The following C8orf34 variants were observed in gnomAD, a reference collection of about 807,000 sequenced individuals.
C8orf34 encodes the protein uncharacterized protein C8orf34.
In C8orf34, 65 loss-of-function variants were observed where a neutral mutation model predicts 68.3. That is an observed-to-expected ratio of 0.95 (90% CI 0.78 to 1.17). C8orf34 has a LOEUF of 1.17. Ranked by LOEUF, C8orf34 falls within the 50% of genes most tolerant of loss-of-function variation. The pLI is 0.00. For missense variants in C8orf34, 664 were observed against 655.4 expected (o/e 1.01, Z -0.14); for synonymous variants, 244 against 241.2 (o/e 1.01, Z -0.11).
intron 3 of C8orf34, among the ~76,000 whole-genome samples, chr8:68,463,646 T>G (rs1024411438): frequency 6.6e-6 from 1 of 152,066 alleles, no homozygotes; most frequent in South Asian, 2.1e-4. Flanking sequence ...TATACACAAA[T>G]CAATAAATGT....
intron 12 of C8orf34, among the ~76,000 whole-genome samples, chr8:68,805,246 A>G (rs1265416027): frequency 2.6e-5 from 4 of 152,222 alleles, no homozygotes; most frequent in Non-Finnish European, 5.9e-5. Flanking sequence ...GATCCAGTAA[A>G]TGACCAGCTT....
intron 5 of C8orf34, among the ~76,000 whole-genome samples, chr8:68,512,652 C>A (rs1814326421): frequency 1.3e-5 from 2 of 151,900 alleles, no homozygotes; most frequent in African/African-American, 4.8e-5. Flanking sequence ...ACACAGAGAA[C>A]CTCTTCTGCA....
Position 68,525,341 on chromosome 8 carries a change from AT to A in C8orf34, c.938+3371del, listed in dbSNP as rs1814927438. On this transcript the variant is annotated intron_variant, in intron 6 of 13. Transcript: ENST00000518698. ...GCATAAATAATTGTAATTGATTAATATGTAATCTGCCCAAGAAATCAAAGAA... is the reference window on the plus strand; with the variant it reads ...GCATAAATAATTGTAATTGATTAATAGTAATCTGCCCAAGAAATCAAAGAA... 2.6e-5 allele frequency among the ~76,000 whole-genome samples: 4 copies of A among 152,378 alleles called. No homozygotes were observed. In the South Asian group the frequency reaches 8.3e-4, roughly 32 times the overall value.
intron 5 of C8orf34, among the ~76,000 whole-genome samples, chr8:68,497,381 G>C (rs2129632286): frequency 6.6e-6 from 1 of 152,300 alleles, no homozygotes. Context: ...TGAGGCACTG[G>C]AAACACAGAC....
chr8:68,444,655 C>T (rs976780697), intron 2 of C8orf34, among the ~76,000 whole-genome samples: 1 of 152,040 alleles, frequency 6.6e-6, no homozygotes, highest in Non-Finnish European at 1.5e-5. Context: ...TTAAAATTTT[C>T]AATATTAGTT....
intron 8 of C8orf34, among the ~76,000 whole-genome samples, chr8:68,653,248 TC>T (rs1819414202): frequency 6.6e-6 from 1 of 152,204 alleles, no homozygotes; most frequent in Admixed American, 6.5e-5. Flanking sequence ...CCTATGTGGT[TC>T]CTTTTGTTTT....
At chr8:68,592,438 T>A (rs1817418015) in intron 7 of C8orf34, among the ~76,000 whole-genome samples, 1 of 152,026 alleles carries the variant, frequency 6.6e-6, no homozygotes, top group Non-Finnish European at 1.5e-5. Flanking sequence ...TCTGGTTGGT[T>A]ATTGCCAGCA....
At chr8:68,391,918 A>G (rs2243693) in intron 1 of C8orf34, among the ~76,000 whole-genome samples, 104,925 of 151,974 alleles carry the variant, frequency 0.69, 36,548 homozygotes, top group African/African-American at 0.78. Flanking sequence ...AACTGGGAAA[A>G]TGCAATTCCA....
intron 1 of C8orf34, among the ~76,000 whole-genome samples, chr8:68,332,090 GTTTT>G (rs927650578): frequency 6.7e-6 from 1 of 149,834 alleles, no homozygotes; most frequent in Non-Finnish European, 1.5e-5. Flanking sequence ...AGCTGGTTTT[GTTTT>G]TTTTTCTCTC....
At chr8:68,744,689 G>A (rs1189332676) in intron 10 of C8orf34, among the ~76,000 whole-genome samples, 1 of 152,110 alleles carries the variant, frequency 6.6e-6, no homozygotes, top group African/African-American at 2.4e-5. Context: ...AGAGAAAAAA[G>A]AATAAAAAGA....
chr8:68,679,872 T>C (rs1175214271), intron 8 of C8orf34, among the ~76,000 whole-genome samples: 1 of 152,118 alleles, frequency 6.6e-6, no homozygotes, highest in African/African-American at 2.4e-5. Flanking sequence ...AAACTGGATA[T>C]CTACATTCAG....
intron 3 of C8orf34, among the ~76,000 whole-genome samples, chr8:68,455,185 G>A (rs990509295): frequency 2.6e-5 from 4 of 152,124 alleles, no homozygotes; most frequent in Non-Finnish European, 5.9e-5. Flanking sequence ...CCTAGAGAAT[G>A]TTCCATGCAC....
At chr8:68,445,255 A>G (rs1336813583) in intron 2 of C8orf34, among the ~76,000 whole-genome samples, 1 of 152,180 alleles carries the variant, frequency 6.6e-6, no homozygotes, top group Non-Finnish European at 1.5e-5. Context: ...TTAGTTATTT[A>G]TAAGTGAGTA....
At chr8:68,515,822 C>A (rs1234513509) in intron 5 of C8orf34, among the ~76,000 whole-genome samples, 1 of 152,184 alleles carries the variant, frequency 6.6e-6, no homozygotes, top group Non-Finnish European at 1.5e-5. Context: ...ATGTGATGTA[C>A]TGGCCTTCAG....
At chr8:68,441,905 A>G (rs1322167262) in intron 2 of C8orf34, among the ~76,000 whole-genome samples, 2 of 152,144 alleles carry the variant, frequency 1.3e-5, no homozygotes, top group African/African-American at 4.8e-5. Flanking sequence ...TTCTCTTAGT[A>G]CCTATTGATG....
intron 12 of C8orf34, among the ~76,000 whole-genome samples, chr8:68,806,040 T>G (rs1013935048): frequency 3.9e-5 from 6 of 152,074 alleles, no homozygotes; most frequent in African/African-American, 1.4e-4. Context: ...CAACAATGTA[T>G]TGTTTAATGT....
chr8:68,816,125 T>TGTGC (rs1394889406), intron 13 of C8orf34, among the ~76,000 whole-genome samples, 180 bp downstream of exon 13: 20 of 138,156 alleles, frequency 1.4e-4, no homozygotes, highest in African/African-American at 4.6e-4. Flanking sequence ...TGTGTGTGTG[T>TGTGC]GTGTGTGTTT....
rs1319567430 is a variant in C8orf34, at chr8:68,723,560, G to A, written c.1404+2123G>A. On this transcript the variant is annotated intron_variant, in intron 10 of 13. Transcript: ENST00000518698. ...GCATTAATTTTATTTTTTAAGAAAT[G>A]TTCTGCCATTTATAAACTTTAGTAT... 4.6e-5 allele frequency among the ~76,000 whole-genome samples: 7 copies of A among 152,056 alleles called. No individual in the cohort carries two copies. In the East Asian group the frequency reaches 1.3e-3, roughly 29 times the overall value.
intron 7 of C8orf34, among the ~76,000 whole-genome samples, chr8:68,590,123 A>G (rs538142888): frequency 1.5e-4 from 22 of 149,170 alleles, no homozygotes; most frequent in African/African-American, 5.2e-4. Flanking sequence ...AAGAGAAAGG[A>G]AGAGAAAGGA....
Sources: gnomAD v4.1 joint callset for allele counts (sites outside exome capture counted in the v4.1 genomes callset) on GRCh38, gnomAD v4.1.1 for gene constraint, MANE v1.5 for transcripts, NCBI Gene and HGNC (gene_info 2026-07-23, HGNC 2026-07-21) for gene names.